Variants in KCNQ5 observed in about 807,000 individuals in gnomAD.
KCNQ5 encodes potassium voltage-gated channel subfamily KQT member 5.
Under a neutral mutation model 98.2 loss-of-function variants are expected in KCNQ5, and 30 were observed. The ratio of observed to expected loss-of-function variants is 0.31; its 90% confidence interval spans 0.23 to 0.41. The LOEUF is 0.41. Among genes scored for constraint, KCNQ5 ranks in the 10% least tolerant of loss-of-function variants. The pLI is 1.00. For synonymous variants in KCNQ5, 458 were observed against 449.4 expected, an observed-to-expected ratio of 1.02 and a Z score of -0.24; for missense variants, 835 against 1,182.5, an observed-to-expected ratio of 0.71 and a Z score of 4.31.
chr6:72,742,078 C>G (rs1281122483), intron 1 of KCNQ5, among the ~76,000 whole-genome samples: 1 of 152,172 alleles, frequency 6.6e-6, no homozygotes, highest in African/African-American at 2.4e-5. Context: ...ATACTGGAAG[C>G]AACTGAAGGT....
chr6:73,048,765 T>C (rs1011517574), intron 3 of KCNQ5, among the ~76,000 whole-genome samples: 14 of 152,228 alleles, frequency 9.2e-5, no homozygotes, highest in Non-Finnish European at 1.0e-4. Flanking sequence ...CATGAAATTT[T>C]ACATTGTTTT....
At chr6:72,852,295 A>G (rs2150143346) in intron 1 of KCNQ5, among the ~76,000 whole-genome samples, 1 of 152,234 alleles carries the variant, frequency 6.6e-6, no homozygotes, top group African/African-American at 2.4e-5. Flanking sequence ...TACATCAAAG[A>G]TATATCTACT....
intron 10 of KCNQ5, among the ~76,000 whole-genome samples, chr6:73,151,715 G>C (rs988044051): frequency 1.3e-5 from 2 of 152,150 alleles, no homozygotes; most frequent in Admixed American, 1.3e-4. Flanking sequence ...CCTTTTACCT[G>C]AGCTGGCTGC....
rs59201837 is a variant in KCNQ5, at chr6:72,736,084, T to TACACAC, written c.398+113518_398+113523dup. Among the ~76,000 whole-genome samples, 604 of 148,626 alleles carry TACACAC rather than the reference T, an allele frequency of 4.1e-3. 5 individuals carry two copies. Among genetic ancestry groups the TACACAC allele is most frequent in the African/African-American group, 0.013 (513 of 40,544 alleles). Reference sequence around the variant, plus strand: ...ATTCATGCACATATGTGTGTACACATACACACACACACACACACACACACA... The same window carrying TACACAC: ...ATTCATGCACATATGTGTGTACACATACACACACACACACACACACACACACACACA... On this transcript the variant is annotated intron_variant, in intron 1 of 13. Transcript: ENST00000370398.
In KCNQ5 at chr6:73,077,950, G is replaced by A. The variant is rs1028402404; in HGVS notation, c.918+63G>A. On this transcript the variant is annotated intron_variant, in intron 5 of 13. Transcript: ENST00000370398. Reference sequence around the variant, plus strand: ...GTGAATTGTTTTTTTTTAATACAACGTAATGGTTCCTATGGATGGTTTCAA... The same window carrying A: ...GTGAATTGTTTTTTTTTAATACAACATAATGGTTCCTATGGATGGTTTCAA... 80 of 1,329,712 alleles carry A rather than the reference G, an allele frequency of 6.0e-5. 2 individuals are homozygous for A. Among genetic ancestry groups the A allele is most frequent in the Middle Eastern group, 3.8e-4 (2 of 5,242 alleles). 82.4% of individuals were successfully genotyped at this position (1,329,712 alleles called of 1,614,324 possible).
intron 2 of KCNQ5, among the ~76,000 whole-genome samples, chr6:73,025,396 C>T (rs553578426): frequency 3.9e-5 from 6 of 152,050 alleles, no homozygotes; most frequent in African/African-American, 7.2e-5. Context: ...CTGAGGTGGG[C>T]GGATCACCTG....
At chr6:72,752,903 G>A (rs1771759170) in intron 1 of KCNQ5, among the ~76,000 whole-genome samples, 1 of 152,046 alleles carries the variant, frequency 6.6e-6, no homozygotes, top group Non-Finnish European at 1.5e-5. Flanking sequence ...AATTGATCGA[G>A]GTTCTTCTAG....
intron 1 of KCNQ5, among the ~76,000 whole-genome samples, chr6:72,871,113 G>A (rs570384542): frequency 5.9e-5 from 9 of 152,202 alleles, no homozygotes; most frequent in African/African-American, 1.7e-4. Flanking sequence ...CCAGTCCTGC[G>A]TACTCTGCCC....
chr6:72,742,956 G>A (rs1023968062), intron 1 of KCNQ5, among the ~76,000 whole-genome samples: 3 of 152,094 alleles, frequency 2.0e-5, no homozygotes, highest in Non-Finnish European at 2.9e-5. Flanking sequence ...AAATATTCTT[G>A]CTTCTTTGAA....
chr6:72,874,998 G>A (rs1038973615), intron 1 of KCNQ5, among the ~76,000 whole-genome samples: 1 of 152,118 alleles, frequency 6.6e-6, no homozygotes, highest in East Asian at 1.9e-4. Flanking sequence ...TTCTGGAATT[G>A]CCTGAAAATC....
At chr6:72,961,609 G>C (rs1265957201) in intron 1 of KCNQ5, among the ~76,000 whole-genome samples, 1 of 131,808 alleles carries the variant, frequency 7.6e-6, no homozygotes, top group African/African-American at 2.9e-5. Flanking sequence ...GTGACAGAGC[G>C]AGACTCCGTC....
chr6:73,014,396 T>C (rs575022241), intron 2 of KCNQ5, among the ~76,000 whole-genome samples: 17 of 152,176 alleles, frequency 1.1e-4, no homozygotes, highest in African/African-American at 2.9e-4. Context: ...GGAATGCCAC[T>C]ATCAATTTTA....
At chr6:72,771,919 A>G (rs1371938054) in intron 1 of KCNQ5, among the ~76,000 whole-genome samples, 2 of 152,104 alleles carry the variant, frequency 1.3e-5, no homozygotes, top group East Asian at 3.9e-4. Context: ...GGACCTCGTG[A>G]AGCCCTAGAC....
intron 1 of KCNQ5, among the ~76,000 whole-genome samples, chr6:72,937,395 A>T (rs1353926899): frequency 6.6e-6 from 1 of 152,210 alleles, no homozygotes; most frequent in Non-Finnish European, 1.5e-5. Flanking sequence ...CTTCACAGGC[A>T]TGCACCCACC....
intron 1 of KCNQ5, among the ~76,000 whole-genome samples, chr6:72,667,616 G>A (rs1344967556): frequency 1.3e-5 from 2 of 152,108 alleles, no homozygotes; most frequent in African/African-American, 4.8e-5. Context: ...TCACTTTACA[G>A]TGAAAAAATC....
At chr6:73,166,341 C>G (rs1390013586) in intron 10 of KCNQ5, among the ~76,000 whole-genome samples, 1 of 151,604 alleles carries the variant, frequency 6.6e-6, no homozygotes, top group Non-Finnish European at 1.5e-5. Flanking sequence ...GAGGCTGAGG[C>G]AGGAGAATGG....
intron 1 of KCNQ5, among the ~76,000 whole-genome samples, chr6:72,921,743 A>T (rs1780409508): frequency 6.6e-6 from 1 of 152,148 alleles, no homozygotes; most frequent in African/African-American, 2.4e-5. Flanking sequence ...AAGTACTCTA[A>T]ATTTGTTGAC....
chr6:72,746,144 T>A (rs1186790612), intron 1 of KCNQ5, among the ~76,000 whole-genome samples: 1 of 143,300 alleles, frequency 7.0e-6, no homozygotes, highest in Non-Finnish European at 1.5e-5. Context: ...GACTTCAACA[T>A]TTCTTTATAG....
At chr6:72,945,557 T>G (rs185116640) in intron 1 of KCNQ5, among the ~76,000 whole-genome samples, 1 of 151,716 alleles carries the variant, frequency 6.6e-6, no homozygotes, top group East Asian at 1.9e-4. Context: ...TGGGTTCAAG[T>G]GGTTCTCCTG....
Sources: allele counts gnomAD v4.1 joint callset (sites outside exome capture counted in the v4.1 genomes callset), GRCh38; gene constraint gnomAD v4.1.1; transcripts MANE v1.5; gene names NCBI Gene and HGNC (gene_info 2026-07-23, HGNC 2026-07-21).